The following PXYLP1 variants were observed in gnomAD, a reference collection of about 807,000 sequenced individuals.
The protein encoded by PXYLP1 is acid phosphatase-like 2.
Under a neutral mutation model 37.9 loss-of-function variants are expected in PXYLP1, and 17 were observed. That is an observed-to-expected ratio of 0.45 (90% confidence interval 0.31 to 0.67). The LOEUF is 0.67. PXYLP1 is among the 30% of genes least tolerant of loss of function. The pLI is 0.07. For synonymous variants in PXYLP1, 221 were observed against 232.2 expected, an observed-to-expected ratio of 0.95 and a Z score of 0.44; for missense variants, 511 against 612.0, an observed-to-expected ratio of 0.84 and a Z score of 1.74.
chr3:141,251,245 C>T (rs1261983664), intron 1 of PXYLP1, among the ~76,000 whole-genome samples: 1 of 152,226 alleles, frequency 6.6e-6, no homozygotes. Flanking sequence ...GGTGGCCTTG[C>T]CCCTTGGGGT....
chr3:141,282,313 G>T (rs1413521493), intron 4 of PXYLP1, among the ~76,000 whole-genome samples: 1 of 152,164 alleles, frequency 6.6e-6, no homozygotes, highest in East Asian at 1.9e-4. Flanking sequence ...TTTATGGCCA[G>T]TCCTCTTACC....
At chr3:141,274,648 G>C (rs939148892) in intron 2 of PXYLP1, 5 of 723,694 alleles carry the variant, frequency 6.9e-6, no homozygotes, top group Non-Finnish European at 1.2e-5. Flanking sequence ...CCTATCCTCT[G>C]TCAGTCAGCG....
At chr3:141,235,742 T>A (rs1281301173) in intron 1 of PXYLP1, among the ~76,000 whole-genome samples, 1 of 152,246 alleles carries the variant, frequency 6.6e-6, no homozygotes, top group Non-Finnish European at 1.5e-5. Flanking sequence ...AACCTGGAGA[T>A]GCTGCATGGC....
At position 141,287,789 on chromosome 3, in the gene PXYLP1, T is replaced by A. The variant is rs141190098; in HGVS notation, c.505+336T>A. Among the ~76,000 whole-genome samples the A allele has an allele frequency of 1.0e-3, 156 of 152,296 alleles. 1 individual carries two copies. Among genetic ancestry groups the A allele is most frequent in the African/African-American group, 3.6e-3 (151 of 41,558 alleles). ...TCCTGTGCTTATGCACACACACACA[T>A]CTTACTAAACACACTATTTCATAAC... On this transcript the variant is annotated intron_variant, in intron 5 of 5. Coordinates refer to ENST00000286353, the MANE Select transcript of PXYLP1 (RefSeq NM_001037172.3).
intron 2 of PXYLP1, 107 bp downstream of exon 2, chr3:141,260,361 G>A (rs950539540): frequency 4.6e-6 from 6 of 1,313,436 alleles, no homozygotes; most frequent in East Asian, 2.4e-5. Context: ...TGAAGACAAC[G>A]AAGTCTTTTT....
intron 4 of PXYLP1, among the ~76,000 whole-genome samples, chr3:141,282,054 G>C (rs1424309882): frequency 6.6e-6 from 1 of 152,138 alleles, no homozygotes; most frequent in African/African-American, 2.4e-5. Flanking sequence ...GTTATTATTA[G>C]GGTAGTGATC....
At chr3:141,289,276 C>CACAAAAAA (rs1553755385) in intron 5 of PXYLP1, among the ~76,000 whole-genome samples, 20 of 151,520 alleles carry the variant, frequency 1.3e-4, no homozygotes, top group Admixed American at 8.5e-4. Flanking sequence ...GTTCTAGACA[C>CACAAAAAA]AAAAACAGAA....
chr3:141,269,789 C>T (rs1941616654), intron 2 of PXYLP1, among the ~76,000 whole-genome samples: 1 of 152,214 alleles, frequency 6.6e-6, no homozygotes, highest in Non-Finnish European at 1.5e-5. Context: ...TCTCTTATTT[C>T]TAGTTTCTGT....
chr3:141,257,586 C>A (rs1473775167), intron 1 of PXYLP1, among the ~76,000 whole-genome samples: 1 of 152,180 alleles, frequency 6.6e-6, no homozygotes, highest in Admixed American at 6.5e-5. Flanking sequence ...CTGAAGACAA[C>A]TGTAAACCAT....
intron 2 of PXYLP1, chr3:141,261,934 A>T (rs1169384846): frequency 6.6e-6 from 1 of 152,132 alleles, no homozygotes; most frequent in Non-Finnish European, 1.5e-5. Context: ...CCGTTTAACC[A>T]CCTCATCCTG....
intron 1 of PXYLP1, among the ~76,000 whole-genome samples, chr3:141,250,502 C>T (rs1941116938): frequency 6.6e-6 from 1 of 152,186 alleles, no homozygotes; most frequent in Admixed American, 6.5e-5. Context: ...TTGGTTCCAC[C>T]CAGTCGTTGT....
chr3:141,251,091 G>C (rs1941129951), intron 1 of PXYLP1, among the ~76,000 whole-genome samples: 1 of 152,244 alleles, frequency 6.6e-6, no homozygotes, highest in Admixed American at 6.5e-5. Flanking sequence ...CCCATGAAGA[G>C]TACCAGCGTT....
At chr3:141,289,945 A>G (rs74487336) in intron 5 of PXYLP1, among the ~76,000 whole-genome samples, 9,148 of 152,234 alleles carry the variant, frequency 0.06, 386 homozygotes, top group East Asian at 0.12. Flanking sequence ...TTCATCTATC[A>G]TCATCATCGT....
chr3:141,293,011 C>T lies in PXYLP1; in HGVS notation c.1249C>T (p.His417Tyr), dbSNP rs771567000. The T allele has an allele frequency of 3.1e-6, 5 of 1,614,216 alleles. No individual in the cohort carries two copies. In the South Asian group the frequency reaches 4.4e-5, roughly 14 times the overall value. Residue 417 changes from histidine to tyrosine, a missense_variant, in exon 6 of 6, where the codon CAT becomes TAT. By Grantham distance (83) the His-to-Tyr change is moderately conservative. Coordinates refer to ENST00000286353, the MANE Select transcript of PXYLP1 (RefSeq NM_001037172.3). ...LWQDREKPSE[H>Y]SVRILYNGVD... Reference sequence around the variant, plus strand: ...GCAAGACAGAGAAAAGCCCAGTGAACATTCCGTCCGGATTCTTTACAATGG... The same window carrying T: ...GCAAGACAGAGAAAAGCCCAGTGAATATTCCGTCCGGATTCTTTACAATGG...
Position 141,293,056 on chromosome 3 carries a change from A to T in PXYLP1, c.1294A>T (p.Thr432Ser). The T allele has an allele frequency of 1.2e-6, 2 of 1,613,898 alleles. No homozygotes were observed. Among genetic ancestry groups the T allele is most frequent in the Non-Finnish European group, 1.7e-6 (2 of 1,179,958 alleles). ...LYNGVDVTFH[T>S]SFCQDHHKRS... ...CAATGGCGTCGATGTCACATTCCACACCTCTTTCTGCCAAGACCACCACAA... is the reference window on the plus strand; with the variant it reads ...CAATGGCGTCGATGTCACATTCCACTCCTCTTTCTGCCAAGACCACCACAA... The change falls in exon 6 of 6, where the codon ACC (threonine) becomes TCC (serine). Residue 432 changes from threonine (T) to serine (S), a missense_variant. Transcript: ENST00000286353.
rs1327490368 is a variant in PXYLP1 at position 141,293,483 on chromosome 3, C to T, written c.*278C>T. The T allele has an allele frequency of 2.5e-6, 1 of 394,540 alleles. No individual in the cohort carries two copies. The highest frequency in any genetic ancestry group is 4.5e-6 in the Non-Finnish European group (1 of 220,542). The allele number at this position is 394,540 out of a possible 1,614,324, so 24.4% of individuals were successfully genotyped here. ...AATGCCAGAATAATATAGTTCAAGA[C>T]CTGAAGTTGCCAATCCAAGTTTGCA... On this transcript the variant is annotated 3_prime_UTR_variant, in exon 6 of 6. Coordinates refer to ENST00000286353, the MANE Select transcript of PXYLP1 (RefSeq NM_001037172.3).
chr3:141,270,294 C>T (rs1941628816), intron 2 of PXYLP1, among the ~76,000 whole-genome samples: 4 of 152,222 alleles, frequency 2.6e-5, no homozygotes, highest in Admixed American at 2.6e-4. Context: ...TTATGTAAAA[C>T]CAAGTGTCTC....
At chr3:141,245,114 A>G (rs932681055) in intron 1 of PXYLP1, among the ~76,000 whole-genome samples, 4 of 145,382 alleles carry the variant, frequency 2.8e-5, no homozygotes, top group Admixed American at 1.4e-4. Flanking sequence ...AAGTGGCGCA[A>G]TCTTGGTTCA....
intron 2 of PXYLP1, among the ~76,000 whole-genome samples, chr3:141,268,206 A>AGAGAGAGTGTGT (rs1325105026): frequency 1.9e-5 from 1 of 51,304 alleles, no homozygotes; most frequent in Non-Finnish European, 5.3e-5. Flanking sequence ...AGAGAGAGAG[A>AGAGAGAGTGTGT]GTGTGTGTGT....
Sources: gnomAD v4.1 joint callset for allele counts (sites outside exome capture counted in the v4.1 genomes callset) on GRCh38, gnomAD v4.1.1 for gene constraint, MANE v1.5 for transcripts, NCBI Gene and HGNC (gene_info 2026-07-23, HGNC 2026-07-21) for gene names.